The following NCKAP5 variants were observed in gnomAD, a reference collection of about 807,000 sequenced individuals.
NCKAP5 encodes the protein nck-associated protein 5.
In NCKAP5, 92 loss-of-function variants were observed where a neutral mutation model predicts 167.0. The observed-to-expected ratio is 0.55, with a 90% confidence interval of 0.47 to 0.66. The LOEUF (loss-of-function observed/expected upper bound fraction) is 0.66. Ranked by LOEUF, NCKAP5 falls within the 30% of genes least tolerant of loss-of-function variation. The pLI, the probability that NCKAP5 is intolerant of heterozygous loss-of-function variation, is 0.00. For synonymous variants in NCKAP5, 891 were observed against 877.4 expected, an observed-to-expected ratio of 1.02 and a Z score of -0.27; for missense variants, 2,378 against 2,315.0, an observed-to-expected ratio of 1.03 and a Z score of -0.56.
At chr2:132,762,536 G>C (rs1455541711) in intron 16 of NCKAP5, among the ~76,000 whole-genome samples, 1 of 152,142 alleles carries the variant, frequency 6.6e-6, no homozygotes, top group Non-Finnish European at 1.5e-5. Context: ...GGTGGGGAAA[G>C]GGCAAAACTT....
At chr2:133,086,382 A>G (rs2080992217) in intron 6 of NCKAP5, among the ~76,000 whole-genome samples, 1 of 152,192 alleles carries the variant, frequency 6.6e-6, no homozygotes, top group Non-Finnish European at 1.5e-5. Context: ...TCACACCGGT[A>G]ATCTCCGCAC....
chr2:132,892,369 T>G (rs547860468), intron 8 of NCKAP5, among the ~76,000 whole-genome samples: 13 of 152,316 alleles, frequency 8.5e-5, no homozygotes, highest in Admixed American at 2.6e-4. Context: ...AGCTGAAATT[T>G]TAGGGACTCC....
intron 1 of NCKAP5, among the ~76,000 whole-genome samples, chr2:133,563,805 C>T (rs1307952450): frequency 1.3e-5 from 2 of 152,052 alleles, no homozygotes; most frequent in African/African-American, 4.8e-5. Context: ...ATGAAGCCTC[C>T]ATATCCAGAA....
chr2:133,372,445 AG>A lies in NCKAP5; in HGVS notation c.70-69336del, dbSNP rs1479841625. On this transcript the variant is annotated intron_variant, in intron 3 of 19. Transcript: ENST00000409261. ...AATAAAATGATTCCTACTGACTAGA[AG>A]GTTCTTTCTCAACATCTCCTCACTG... 9.8e-5 allele frequency among the ~76,000 whole-genome samples: 15 copies of A among 152,336 alleles called. No homozygotes were observed. The East Asian group carries it at 2.9e-3, about 29-fold the overall frequency.
intron 4 of NCKAP5, among the ~76,000 whole-genome samples, chr2:133,249,397 T>G (rs961701817): frequency 6.6e-6 from 1 of 152,186 alleles, no homozygotes; most frequent in African/African-American, 2.4e-5. Context: ...GAAGGTTAAA[T>G]TCTCCCTGAG....
At chr2:133,404,672 C>T (rs986764714) in intron 3 of NCKAP5, among the ~76,000 whole-genome samples, 32 of 152,114 alleles carry the variant, frequency 2.1e-4, no homozygotes, top group African/African-American at 6.5e-4. Flanking sequence ...ATTGTAAAAG[C>T]AGAAAAATGA....
At chr2:133,311,301 A>G (rs1472953729) in intron 3 of NCKAP5, among the ~76,000 whole-genome samples, 1 of 152,232 alleles carries the variant, frequency 6.6e-6, no homozygotes, top group Non-Finnish European at 1.5e-5. Flanking sequence ...ATTGTAAGTG[A>G]TATTACAAAC....
chr2:133,186,759 C>A (rs562730137), intron 5 of NCKAP5, among the ~76,000 whole-genome samples: 1 of 151,884 alleles, frequency 6.6e-6, no homozygotes, highest in Non-Finnish European at 1.5e-5. Flanking sequence ...ACAATACTCT[C>A]TGAGGATCTT....
At chr2:133,646,150 T>C in the NCKAP5 span, among the ~76,000 whole-genome samples, 1 of 152,012 alleles carries the variant, frequency 6.6e-6, no homozygotes, top group South Asian at 2.1e-4. Flanking sequence ...TTCAAAAAGA[T>C]AGAAATACAA....
chr2:132,700,941 G>A (rs1316571417), intron 19 of NCKAP5, among the ~76,000 whole-genome samples: 1 of 128,364 alleles, frequency 7.8e-6, no homozygotes, highest in Non-Finnish European at 1.7e-5. Flanking sequence ...GGGGGGGGGG[G>A]CTTTTAAGCA....
At chr2:132,859,407 G>T (rs1689717529) in intron 11 of NCKAP5, among the ~76,000 whole-genome samples, 1 of 152,152 alleles carries the variant, frequency 6.6e-6, no homozygotes, top group Non-Finnish European at 1.5e-5. Context: ...ATACCGTCCA[G>T]CAGAGCTTTC....
chr2:132,717,377 G>A (rs539020146), intron 19 of NCKAP5, among the ~76,000 whole-genome samples: 24 of 152,242 alleles, frequency 1.6e-4, no homozygotes, highest in Admixed American at 3.9e-4. Flanking sequence ...TTTGGATTTC[G>A]TTGAACCCAA....
intron 7 of NCKAP5, among the ~76,000 whole-genome samples, chr2:132,991,288 A>C (rs754893976): frequency 3.3e-5 from 5 of 152,200 alleles, no homozygotes; most frequent in African/African-American, 7.2e-5. Context: ...GAACTAGGTA[A>C]ATTTGAAACT....
At chr2:133,171,205 T>C (rs1200811423) in intron 5 of NCKAP5, among the ~76,000 whole-genome samples, 2 of 152,110 alleles carry the variant, frequency 1.3e-5, no homozygotes, top group African/African-American at 2.4e-5. Flanking sequence ...TACTGTGACA[T>C]GAAACCCACA....
intron 19 of NCKAP5, among the ~76,000 whole-genome samples, chr2:132,674,222 G>A (rs1156540279): frequency 1.3e-5 from 2 of 152,046 alleles, no homozygotes; most frequent in East Asian, 3.9e-4. Context: ...GCTTGGAGAT[G>A]ATAGTAAGTG....
chr2:133,328,075 G>T (rs1265120009), intron 3 of NCKAP5, among the ~76,000 whole-genome samples: 1 of 152,084 alleles, frequency 6.6e-6, no homozygotes, highest in Admixed American at 6.5e-5. Flanking sequence ...CTCTACCAAC[G>T]TTGGGCCCCA....
intron 3 of NCKAP5, among the ~76,000 whole-genome samples, chr2:133,371,348 C>T (rs916795478): frequency 4.6e-5 from 7 of 152,204 alleles, no homozygotes; most frequent in African/African-American, 1.7e-4. Flanking sequence ...AAGGTAGCCC[C>T]TGTTTTGTAG....
At chr2:133,594,375 T>C in the NCKAP5 span, among the ~76,000 whole-genome samples, 1 of 152,158 alleles carries the variant, frequency 6.6e-6, no homozygotes, top group Non-Finnish European at 1.5e-5. Context: ...TCATCTCTCT[T>C]CTTGGCACTC....
chr2:132,889,840 AAAAT>A (rs1553470236), intron 8 of NCKAP5, among the ~76,000 whole-genome samples: 1 of 152,224 alleles, frequency 6.6e-6, no homozygotes, highest in Non-Finnish European at 1.5e-5. Flanking sequence ...AATGGCAAAA[AAAAT>A]AAATAAATAA....
Sources: gnomAD v4.1 joint callset for allele counts (sites outside exome capture counted in the v4.1 genomes callset) on GRCh38, gnomAD v4.1.1 for gene constraint, MANE v1.5 for transcripts, NCBI Gene and HGNC (gene_info 2026-07-23, HGNC 2026-07-21) for gene names.